Variants in CIBAR2 observed in about 807,000 individuals in gnomAD.
CIBAR2 encodes CBY1-interacting BAR domain-containing protein 2.
In CIBAR2, 38 loss-of-function variants were observed where a neutral mutation model predicts 36.2. The observed-to-expected ratio is 1.05, with a 90% CI of 0.81 to 1.38. The LOEUF (loss-of-function observed/expected upper bound fraction) is 1.38. Ranked by LOEUF, CIBAR2 falls within the 40% of genes most tolerant of loss-of-function variation. The probability of loss-of-function intolerance (pLI) is 0.00; values close to 1 mark genes in which losing one functional copy is unlikely to be tolerated. For missense variants in CIBAR2, 481 were observed against 383.4 expected (o/e 1.25, Z -2.13); for synonymous variants, 182 against 149.5 (o/e 1.22, Z -1.58).
At chr16:85,104,243 G>C (rs757091107) in intron 6 of CIBAR2, among the ~76,000 whole-genome samples, 1 of 152,216 alleles carries the variant, frequency 6.6e-6, no homozygotes, top group Non-Finnish European at 1.5e-5. Context: ...CAAAGGCCTC[G>C]GGTAGGAATG....
chr16:85,102,428 C>A, intron 6 of CIBAR2, 101 bp from the exon 7 acceptor site: 2 of 725,628 alleles, frequency 2.8e-6, no homozygotes, highest in East Asian at 5.0e-5. Flanking sequence ...GAGGGCTGTC[C>A]GTGTGGGGAC....
intron 6 of CIBAR2, among the ~76,000 whole-genome samples, chr16:85,105,015 G>C (rs1233408321): frequency 1.3e-5 from 2 of 152,238 alleles, no homozygotes; most frequent in Non-Finnish European, 2.9e-5. Context: ...CCTGTGTGAA[G>C]AGGAAGTGGG....
At chr16:85,100,419 G>A (rs2073946569) in intron 7 of CIBAR2, among the ~76,000 whole-genome samples, 179 bp from the exon 8 acceptor site, 2 of 152,180 alleles carry the variant, frequency 1.3e-5, no homozygotes, top group African/African-American at 4.8e-5. Context: ...GCAGCCCGGT[G>A]AGTGGGCATT....
chr16:85,109,429 T>G (rs1454406895), intron 2 of CIBAR2, among the ~76,000 whole-genome samples: 2 of 152,074 alleles, frequency 1.3e-5, no homozygotes, highest in Non-Finnish European at 2.9e-5. Flanking sequence ...GAGAAGAGAG[T>G]GCCGTTTCTG....
Position 85,110,225 on chromosome 16 carries a change from C to A in CIBAR2, c.255+1G>T. 1 of 1,557,540 alleles carries A rather than the reference C, an allele frequency of 6.4e-7. No homozygotes were observed. Among genetic ancestry groups the A allele is most frequent in the Non-Finnish European group, 8.7e-7 (1 of 1,147,514 alleles). On this transcript the variant is annotated splice_donor_variant, in intron 2 of 8. Coordinates refer to ENST00000539556, the MANE Select transcript of CIBAR2 (RefSeq NM_198491.3). LOFTEE classifies it high-confidence loss of function. ...CCCAGACCCGGGCCGGCAGCACTCA[C>A]CTGGGCCTGCCGGTAATCCTGCACT...
Position 85,107,670 on chromosome 16 carries a change from G to T in CIBAR2, c.429C>A (p.Ser143=), listed in dbSNP as rs1431557895. The T allele has an allele frequency of 1.9e-6, 3 of 1,613,936 alleles. No individual in the cohort carries two copies. In the Admixed American group the frequency reaches 5.0e-5, roughly 27 times the overall value. The change falls in exon 5 of 9, where the codon TCC becomes TCA. Residue 143 remains serine (S), a splice_region_variant and synonymous_variant. Transcript: ENST00000539556. ...QKSPSDQQMI[S]QAETRVQRAA... is the part of the protein sequence containing the mutation. ...CAGACAGACATGTGACACTCACCTG[G>T]GACTGAAAAACGTGCTGTTAAGGAA...
At position 85,105,370 on chromosome 16, in the gene CIBAR2, T is replaced by A; in HGVS notation, c.494A>T (p.Glu165Val). 1 of 1,613,748 alleles carries A rather than the reference T, an allele frequency of 6.2e-7. No homozygotes were observed. The highest frequency in any genetic ancestry group is 8.5e-7 in the Non-Finnish European group (1 of 1,179,926). The stretch of plus-strand genomic sequence containing the variant: ...CTGCCTCTGGAAGCCATCCACAGTC[T>A]CCTCCAGCTGGAGGGTGGTGCGGCT... Reference protein sequence around the residue: ...DSSRTTLQLEETVDGFQRQKL... With the variant: ...DSSRTTLQLEVTVDGFQRQKL... The change falls in exon 6 of 9, where the codon GAG becomes GTG. Residue 165 changes from glutamate (E) to valine (V), a missense_variant. Physicochemically the swap from Glu to Val is moderately radical, Grantham distance 121. Coordinates refer to ENST00000539556, the MANE Select transcript of CIBAR2 (RefSeq NM_198491.3).
At chr16:85,112,186 T>C in intron 1 of CIBAR2, 147 bp downstream of exon 1, 1 of 704,558 alleles carries the variant, frequency 1.4e-6, no homozygotes, top group South Asian at 1.6e-5. Context: ...TGGATGGAGG[T>C]GGAGGCACCG....
rs755466528 is a variant in CIBAR2, at chr16:85,107,834, A to G, written c.426+12T>C. The G allele has an allele frequency of 4.6e-5, 74 of 1,609,866 alleles. No homozygotes were observed. Among genetic ancestry groups the G allele is most frequent in the Non-Finnish European group, 6.2e-5 (73 of 1,176,172 alleles). Reference sequence around the variant, plus strand: ...CCCGGCAGCCCCAGGCCCCACTTCCAGGGAAGGATACGATCATTTGCTGAT... The same window carrying G: ...CCCGGCAGCCCCAGGCCCCACTTCCGGGGAAGGATACGATCATTTGCTGAT... On this transcript the variant is annotated intron_variant, in intron 4 of 8. Transcript: ENST00000539556.
At chr16:85,107,805 C>G in intron 4 of CIBAR2, 41 bp downstream of exon 4, 4 of 1,578,916 alleles carry the variant, frequency 2.5e-6, no homozygotes, top group Non-Finnish European at 3.5e-6. Flanking sequence ...AGTGGACACC[C>G]TGGCCCGGCA....
chr16:85,107,152 A>G (rs1034104529), intron 5 of CIBAR2, among the ~76,000 whole-genome samples: 1 of 151,584 alleles, frequency 6.6e-6, no homozygotes, highest in Non-Finnish European at 1.5e-5. Context: ...GTCTCTCAAA[A>G]AAAAGGGGGG....
At chr16:85,106,797 C>T (rs111232162) in intron 5 of CIBAR2, among the ~76,000 whole-genome samples, 1 of 152,200 alleles carries the variant, frequency 6.6e-6, no homozygotes, top group Non-Finnish European at 1.5e-5. Flanking sequence ...CTCTCCAATC[C>T]TGAGCCAGAA....
chr16:85,100,091 C>T (rs1219296291), intron 8 of CIBAR2, 48 bp downstream of exon 8: 1 of 1,454,466 alleles, frequency 6.9e-7, no homozygotes. Flanking sequence ...GCCTTCCAGG[C>T]CGTGCACGAC....
chr16:85,100,683 C>T (rs1164916834), intron 7 of CIBAR2, among the ~76,000 whole-genome samples: 1 of 152,166 alleles, frequency 6.6e-6, no homozygotes, highest in Non-Finnish European at 1.5e-5. Flanking sequence ...TACAGGCAGC[C>T]TCAGAGATTC....
At chr16:85,101,159 C>T (rs1567557574) in intron 7 of CIBAR2, among the ~76,000 whole-genome samples, 1 of 152,224 alleles carries the variant, frequency 6.6e-6, no homozygotes, top group South Asian at 2.1e-4. Context: ...GAGGAAGACC[C>T]AGGGATGGCA....
chr16:85,102,462 C>T, intron 6 of CIBAR2, 135 bp from the exon 7 acceptor site: 2 of 623,988 alleles, frequency 3.2e-6, no homozygotes, highest in South Asian at 1.9e-5. Flanking sequence ...GGAGTTTCGA[C>T]ATGTTATTTT....
chr16:85,107,627 G>A lies in CIBAR2; in HGVS notation c.432+40C>T, dbSNP rs201621130. On this transcript the variant is annotated intron_variant, in intron 5 of 8. Transcript: ENST00000539556. The stretch of plus-strand genomic sequence containing the variant: ...TTTTGTGAGGTCGTGTATTTCCTAC[G>A]TGTGATTCTGCCTGCCCCAGACAGA... The A allele has an allele frequency of 1.3e-4, 213 of 1,609,364 alleles. 1 individual carries two copies. Among genetic ancestry groups the A allele is most frequent in the Non-Finnish European group, 1.7e-4 (204 of 1,175,928 alleles).
chr16:85,106,158 G>C (rs1378350460), intron 5 of CIBAR2, among the ~76,000 whole-genome samples: 1 of 152,140 alleles, frequency 6.6e-6, no homozygotes, highest in Non-Finnish European at 1.5e-5. Flanking sequence ...ACCCAGGTGG[G>C]ATCCAGGATA....
chr16:85,100,779 G>A (rs1567557293), intron 7 of CIBAR2, among the ~76,000 whole-genome samples: 3 of 152,206 alleles, frequency 2.0e-5, no homozygotes, highest in African/African-American at 4.8e-5. Flanking sequence ...CGGGCGCGGT[G>A]GCTCACACCT....
Sources: allele counts gnomAD v4.1 joint callset (sites outside exome capture counted in the v4.1 genomes callset), GRCh38; gene constraint gnomAD v4.1.1; transcripts MANE v1.5; gene names NCBI Gene and HGNC (gene_info 2026-07-23, HGNC 2026-07-21).